The following NRG3 variants were observed in gnomAD, a reference collection of about 807,000 sequenced individuals.
NRG3 encodes neuregulin 3, also known as pro-neuregulin-3, membrane-bound isoform.
NRG3 carries 31 observed loss-of-function variants against 66.9 expected under a neutral mutation model. The observed-to-expected ratio is 0.46, with a 90% CI of 0.35 to 0.63. The LOEUF (loss-of-function observed/expected upper bound fraction) is 0.63, where lower values mean the gene tolerates loss of function less well. NRG3 is among the 20% of genes least tolerant of loss of function. The pLI is 0.00. For synonymous variants in NRG3, 393 were observed against 359.4 expected (o/e 1.09, Z -1.06); for missense variants, 910 against 878.9 (o/e 1.04, Z -0.45).
intron 3 of NRG3, among the ~76,000 whole-genome samples, chr10:82,760,899 A>T (rs1210496486): frequency 2.0e-5 from 3 of 151,956 alleles, no homozygotes; most frequent in African/African-American, 4.8e-5. Flanking sequence ...AACTAAGTAT[A>T]TATTGTAAAA....
At chr10:82,408,062 A>AGG (rs1408589744) in intron 2 of NRG3, among the ~76,000 whole-genome samples, 2 of 131,174 alleles carry the variant, frequency 1.5e-5, no homozygotes, top group African/African-American at 3.2e-5. Flanking sequence ...AGAGAGAGAG[A>AGG]GAGAGAGAGA....
chr10:81,937,835 G>C (rs1434606499), intron 1 of NRG3, among the ~76,000 whole-genome samples: 1 of 152,012 alleles, frequency 6.6e-6, no homozygotes, highest in Non-Finnish European at 1.5e-5. Context: ...ATGTTATAAA[G>C]CTTCTCCCCT....
intron 1 of NRG3, among the ~76,000 whole-genome samples, chr10:82,251,870 C>T (rs545515973): frequency 4.6e-5 from 7 of 152,236 alleles, no homozygotes; most frequent in East Asian, 1.9e-4. Flanking sequence ...GGCTTCTTGT[C>T]CTGACAACTC....
chr10:82,583,887 C>T (rs1275317363), intron 2 of NRG3, among the ~76,000 whole-genome samples: 3 of 152,156 alleles, frequency 2.0e-5, no homozygotes, highest in Admixed American at 2.0e-4. Context: ...AATCTCACCC[C>T]TGGGCCTTGC....
chr10:82,848,643 T>G (rs2063420752), intron 3 of NRG3, among the ~76,000 whole-genome samples: 2 of 151,914 alleles, frequency 1.3e-5, no homozygotes, highest in South Asian at 4.2e-4. Flanking sequence ...TTGGGAAGGG[T>G]GGTAGGCAGA....
intron 1 of NRG3, among the ~76,000 whole-genome samples, chr10:82,117,917 C>A (rs2067826481): frequency 1.3e-5 from 2 of 152,164 alleles, no homozygotes; most frequent in African/African-American, 4.8e-5. Flanking sequence ...GCCTTCATTA[C>A]TTGATCATTC....
intron 2 of NRG3, among the ~76,000 whole-genome samples, chr10:82,572,340 C>T (rs2133125813): frequency 6.6e-6 from 1 of 151,128 alleles, no homozygotes; most frequent in South Asian, 2.1e-4. Flanking sequence ...TTGAAGTCAA[C>T]TATTTTGTAC....
chr10:81,995,389 C>T (rs2060899600), intron 1 of NRG3, among the ~76,000 whole-genome samples: 2 of 152,160 alleles, frequency 1.3e-5, no homozygotes, highest in South Asian at 2.1e-4. Context: ...TTCCTGTTTG[C>T]TCACTTGGTT....
intron 2 of NRG3, among the ~76,000 whole-genome samples, chr10:82,733,264 A>G (rs2058005913): frequency 6.6e-6 from 1 of 152,236 alleles, no homozygotes; most frequent in African/African-American, 2.4e-5. Flanking sequence ...TAAATTATAT[A>G]AAATCCATTT....
intron 2 of NRG3, among the ~76,000 whole-genome samples, chr10:82,445,363 A>G (rs554136161): frequency 9.2e-5 from 14 of 152,246 alleles, no homozygotes; most frequent in South Asian, 4.2e-4. Flanking sequence ...GCAATTATCT[A>G]TTTAACGGAT....
At chr10:82,676,561 G>A (rs1300599007) in intron 2 of NRG3, among the ~76,000 whole-genome samples, 1 of 151,720 alleles carries the variant, frequency 6.6e-6, no homozygotes, top group African/African-American at 2.4e-5. Flanking sequence ...TTGGCTCACT[G>A]CAACCTTCAC....
At chr10:82,548,295 A>G (rs889581255) in intron 2 of NRG3, among the ~76,000 whole-genome samples, 14 of 152,088 alleles carry the variant, frequency 9.2e-5, no homozygotes, top group African/African-American at 3.1e-4. Context: ...TCTAGCCACA[A>G]CAAGGGAACT....
At chr10:82,391,187 A>G (rs1310943573) in intron 2 of NRG3, among the ~76,000 whole-genome samples, 3 of 152,178 alleles carry the variant, frequency 2.0e-5, no homozygotes. Context: ...TCTGTTTATC[A>G]AACACTTGAG....
intron 2 of NRG3, among the ~76,000 whole-genome samples, chr10:82,520,591 A>G (rs965414127): frequency 3.3e-5 from 5 of 152,152 alleles, no homozygotes; most frequent in South Asian, 4.1e-4. Flanking sequence ...CCTCAGGCCT[A>G]TTGGATTGGC....
At chr10:82,820,666 T>G (rs1329903329) in intron 3 of NRG3, among the ~76,000 whole-genome samples, 1 of 152,216 alleles carries the variant, frequency 6.6e-6, no homozygotes, top group Admixed American at 6.5e-5. Flanking sequence ...GGAGAAGATA[T>G]GCCATCAGTT....
intron 1 of NRG3, among the ~76,000 whole-genome samples, chr10:81,940,033 AT>A (rs1298068254): frequency 1.3e-5 from 2 of 152,102 alleles, no homozygotes; most frequent in East Asian, 3.9e-4. Flanking sequence ...TGACTCATTC[AT>A]TGTTCAAGAA....
intron 1 of NRG3, among the ~76,000 whole-genome samples, chr10:82,004,002 C>G (rs1268476792): frequency 6.9e-6 from 1 of 145,636 alleles, no homozygotes; most frequent in South Asian, 2.1e-4. Context: ...CACACACACA[C>G]ACACACACAC....
intron 1 of NRG3, among the ~76,000 whole-genome samples, chr10:82,275,769 T>A (rs1445293192): frequency 6.6e-6 from 1 of 152,000 alleles, no homozygotes; most frequent in Admixed American, 6.6e-5. Context: ...TGGAGTAAGT[T>A]TGTTATATAT....
rs570648432 is a variant in NRG3 at position 82,974,900 on chromosome 10, C to G, written c.1412+985C>G. On this transcript the variant is annotated intron_variant, in intron 7 of 8. Transcript: ENST00000372141. Reference sequence around the variant, plus strand: ...AAGAGGATTTTATTGTTTCTGGCCACACTTACTTTGAGATTTTTAGTCACT... The same window carrying G: ...AAGAGGATTTTATTGTTTCTGGCCAGACTTACTTTGAGATTTTTAGTCACT... Among the ~76,000 whole-genome samples, 3 of 152,296 alleles carry G rather than the reference C, an allele frequency of 2.0e-5. No homozygotes were observed. In the East Asian group the frequency reaches 5.8e-4, roughly 29 times the overall value.
Sources: allele counts gnomAD v4.1 joint callset (sites outside exome capture counted in the v4.1 genomes callset), GRCh38; gene constraint gnomAD v4.1.1; transcripts MANE v1.5; gene names NCBI Gene and HGNC (gene_info 2026-07-23, HGNC 2026-07-21).